Variants in BRD4 observed in about 807,000 individuals in gnomAD.
The protein encoded by BRD4 is bromodomain containing 4.
In BRD4, 16 loss-of-function variants were observed where a neutral mutation model predicts 142.1. That is an observed-to-expected ratio of 0.11 (90% CI 0.08 to 0.17). The LOEUF is 0.17. Among genes scored for constraint, BRD4 ranks in the 10% least tolerant of loss-of-function variants. The pLI, the probability that BRD4 is intolerant of heterozygous loss-of-function variation, is 1.00. For missense variants in BRD4, 1,424 were observed against 1,810.9 expected (o/e 0.79, Z 3.88); for synonymous variants, 833 against 707.5 (o/e 1.18, Z -2.82).
In BRD4 at chr19:15,239,296, G is replaced by A. The variant is rs1339496343; in HGVS notation, c.3577-32C>T. On this transcript the variant is annotated intron_variant, in intron 17 of 19. Transcript: ENST00000679869. The surrounding 1 kb of genome is among the most constrained non-coding windows in gnomAD (Gnocchi z 7.4). Reference sequence around the variant, plus strand: ...AACAGAGAGGTTGGGGTGGGTGAGGGGTCTGCTGTGCCTAAAGGGCATAGC... The same window carrying A: ...AACAGAGAGGTTGGGGTGGGTGAGGAGTCTGCTGTGCCTAAAGGGCATAGC... The A allele has an allele frequency of 6.2e-7, 1 of 1,613,572 alleles. No homozygotes were observed. The highest frequency in any genetic ancestry group is 8.5e-7 in the Non-Finnish European group (1 of 1,179,774).
At chr19:15,240,544 G>A (rs966208076) in intron 14 of BRD4, among the ~76,000 whole-genome samples, 2 of 152,188 alleles carry the variant, frequency 1.3e-5, no homozygotes, top group Non-Finnish European at 2.9e-5. Flanking sequence ...TCCCCACTCA[G>A]CCTGCACGCC....
chr19:15,278,472 T>C (rs1008643264), intron 1 of BRD4, among the ~76,000 whole-genome samples: 8 of 147,806 alleles, frequency 5.4e-5, no homozygotes, highest in Non-Finnish European at 8.9e-5. Flanking sequence ...GAGGTGGAGG[T>C]TGCAGTGAGC....
Position 15,238,249 on chromosome 19 carries a change from A to G in BRD4, c.*128T>C. On this transcript the variant is annotated 3_prime_UTR_variant, in exon 20 of 20. Coordinates refer to ENST00000679869, the MANE Select transcript of BRD4 (RefSeq NM_001379291.1). The surrounding 1 kb of genome is among the most constrained non-coding windows in gnomAD (Gnocchi z 7.2). The stretch of plus-strand genomic sequence containing the variant: ...GCTGCCCGTCAGGCCTGCCCCGGGC[A>G]TAGCATGCAGGAGGGCCAGGCCCTG... The G allele has an allele frequency of 2.0e-6, 3 of 1,464,604 alleles. No homozygotes were observed. Among genetic ancestry groups the G allele is most frequent in the Non-Finnish European group, 2.8e-6 (3 of 1,082,120 alleles). The allele number at this position is 1,464,604 out of a possible 1,614,324, so 90.7% of individuals were successfully genotyped here.
At position 15,238,462 on chromosome 19, in the gene BRD4, G is replaced by A; in HGVS notation, c.4021-17C>T. 6.2e-7 allele frequency: 1 copy of A among 1,614,022 alleles called. No individual in the cohort carries two copies. The highest frequency in any genetic ancestry group is 1.1e-5 in the South Asian group (1 of 91,074). ...AGCTGCCATCTGGAGGAGAAAGGAA[G>A]GAGGGAGTCAGGAGGATGACCTAGC... On this transcript the variant is annotated splice_polypyrimidine_tract_variant and intron_variant, in intron 19 of 19. Transcript: ENST00000679869. This position sits in a 1 kb window ranked among gnomAD's most constrained non-coding sequence, Gnocchi z 7.2.
At chr19:15,306,820 T>C (rs1773994241) in intron 1 of BRD4, among the ~76,000 whole-genome samples, 3 of 152,100 alleles carry the variant, frequency 2.0e-5, no homozygotes, top group South Asian at 4.1e-4. Context: ...ACTATGATAA[T>C]GACACCCAAA....
intron 4 of BRD4, among the ~76,000 whole-genome samples, chr19:15,266,975 A>T (rs895601359): frequency 5.9e-5 from 9 of 152,226 alleles, no homozygotes; most frequent in Non-Finnish European, 1.3e-4. Flanking sequence ...CATCAGAAGC[A>T]GGGATAACTC....
intron 1 of BRD4, among the ~76,000 whole-genome samples, chr19:15,315,079 C>T (rs886084371): frequency 2.6e-5 from 4 of 152,020 alleles, no homozygotes; most frequent in Non-Finnish European, 5.9e-5. Flanking sequence ...TGATTGTGTA[C>T]TTTTCAACTA....
intron 11 of BRD4, chr19:15,253,941 GC>G: frequency 1.4e-6 from 1 of 731,546 alleles, no homozygotes; most frequent in Non-Finnish European, 2.2e-6. Flanking sequence ...GAGCATAACG[GC>G]CAGGCCGAGA....
At chr19:15,299,424 T>C (rs987504956) in intron 1 of BRD4, among the ~76,000 whole-genome samples, 2 of 152,178 alleles carry the variant, frequency 1.3e-5, no homozygotes, top group African/African-American at 4.8e-5. Flanking sequence ...GCACACAGAT[T>C]GCTATGCTAT....
chr19:15,320,921 G>T (rs2048055857), intron 1 of BRD4, among the ~76,000 whole-genome samples: 1 of 152,192 alleles, frequency 6.6e-6, no homozygotes, highest in South Asian at 2.1e-4. Context: ...CCAAGTTCGG[G>T]GGTACATTTT....
chr19:15,256,440 G>C (rs2047409780), intron 8 of BRD4, among the ~76,000 whole-genome samples, 177 bp from the exon 9 acceptor site: 1 of 152,240 alleles, frequency 6.6e-6, no homozygotes, highest in Non-Finnish European at 1.5e-5. Flanking sequence ...ATGTTAACCA[G>C]ATTCCTAACA....
At chr19:15,323,335 C>T (rs776812836) in intron 1 of BRD4, among the ~76,000 whole-genome samples, 37 of 152,066 alleles carry the variant, frequency 2.4e-4, no homozygotes, top group Non-Finnish European at 5.3e-4. Context: ...AGGCAGATGT[C>T]CCCTGCTGAG....
intron 7 of BRD4, among the ~76,000 whole-genome samples, chr19:15,261,938 G>C (rs1282444855): frequency 6.6e-6 from 1 of 152,166 alleles, no homozygotes; most frequent in African/African-American, 2.4e-5. Context: ...CCAAGCCTGA[G>C]CATGCATTTA....
intron 1 of BRD4, among the ~76,000 whole-genome samples, chr19:15,282,244 G>A (rs1189815062): frequency 1.3e-5 from 2 of 152,184 alleles, no homozygotes; most frequent in East Asian, 3.8e-4. Context: ...AAAACTGACT[G>A]GCCTGCAGGC....
chr19:15,313,400 C>T (rs1055620852), intron 1 of BRD4, among the ~76,000 whole-genome samples: 5 of 131,914 alleles, frequency 3.8e-5, no homozygotes, highest in Admixed American at 2.4e-4. Flanking sequence ...AAAGGCCGAG[C>T]GGTGGCTCAT....
rs2047318065 is a variant in BRD4, at chr19:15,249,121, A to C, written c.2159-4359T>G. On this transcript the variant is annotated intron_variant, in intron 11 of 19. Coordinates refer to ENST00000679869, the MANE Select transcript of BRD4 (RefSeq NM_001379291.1). ...CGGGACTAGGCGTGTGCTGCTGGACATGACTAATCCACCCCGGGGGACAGG... is the reference window on the plus strand; with the variant it reads ...CGGGACTAGGCGTGTGCTGCTGGACCTGACTAATCCACCCCGGGGGACAGG... The C allele has an allele frequency of 2.4e-6, 3 of 1,245,240 alleles. No individual in the cohort carries two copies. In the East Asian group the frequency reaches 7.6e-5, roughly 31 times the overall value. 77.1% of individuals were successfully genotyped at this position (1,245,240 alleles called of 1,614,324 possible). A position where few individuals can be genotyped will look rare whatever the true frequency, so the allele number is the denominator to read the frequency against.
chr19:15,306,440 T>C (rs918967416), intron 1 of BRD4, among the ~76,000 whole-genome samples: 6 of 152,028 alleles, frequency 3.9e-5, no homozygotes, highest in African/African-American at 1.4e-4. Flanking sequence ...GGCTACTTTT[T>C]CCATTTTTTT....
chr19:15,245,410 C>T (rs901499932), intron 11 of BRD4, among the ~76,000 whole-genome samples: 27 of 152,228 alleles, frequency 1.8e-4, no homozygotes, highest in African/African-American at 6.3e-4. Context: ...AGGCTGGCCT[C>T]CTGGGAATGA....
chr19:15,248,585 C>T (rs942566892), intron 11 of BRD4: 18 of 225,922 alleles, frequency 8.0e-5, no homozygotes, highest in Non-Finnish European at 8.8e-6. Flanking sequence ...GCCCACCAGG[C>T]AACTTAAGCT....
Sources: gnomAD v4.1 joint callset for allele counts (sites outside exome capture counted in the v4.1 genomes callset) on GRCh38, gnomAD v4.1.1 for gene constraint, Gnocchi (gnomAD v3.1) non-coding constraint, MANE v1.5 for transcripts, NCBI Gene and HGNC (gene_info 2026-07-23, HGNC 2026-07-21) for gene names.